TSHZ1: variants seen among roughly 807,000 people sequenced by gnomAD.
The protein encoded by TSHZ1 is teashirt zinc finger homeobox 1, also known as teashirt homolog 1.
TSHZ1 carries 12 observed loss-of-function variants against 67.1 expected under a neutral mutation model. The ratio of observed to expected loss-of-function variants is 0.18; its 90% CI spans 0.11 to 0.29. The LOEUF (loss-of-function observed/expected upper bound fraction) is 0.29. Ranked by LOEUF, TSHZ1 falls within the 10% of genes least tolerant of loss-of-function variation. The probability of loss-of-function intolerance (pLI) is 1.00; values close to 1 mark genes in which losing one functional copy is unlikely to be tolerated. For synonymous variants in TSHZ1, 632 were observed against 622.4 expected (o/e 1.02, Z -0.23); for missense variants, 1,305 against 1,413.9 (o/e 0.92, Z 1.23).
chr18:75,211,955 CG>C (rs2022699073), intron 1 of TSHZ1, 39 bp downstream of exon 1: 1 of 1,201,380 alleles, frequency 8.3e-7, no homozygotes, highest in Non-Finnish European at 1.0e-6. Context: ...GAGTGGGCGC[CG>C]GGAGGAGCAG....
intron 1 of TSHZ1, among the ~76,000 whole-genome samples, chr18:75,227,856 CA>C (rs1420267296): frequency 6.6e-6 from 1 of 152,196 alleles, no homozygotes; most frequent in Non-Finnish European, 1.5e-5. Context: ...TTTATTTTTG[CA>C]GCCAGATGTG....
chr18:75,248,557 C>A, intron 1 of TSHZ1, among the ~76,000 whole-genome samples: 1 of 152,148 alleles, frequency 6.6e-6, no homozygotes, highest in East Asian at 1.9e-4. Context: ...AAAATGTAAA[C>A]ACATTTTTGT....
rs2023779837 is a variant in TSHZ1, at chr18:75,287,027, C to T, written c.1620C>T (p.Asp540=). ...STLYPYLREE[D]LDDSPKGGLD... ...TGTACCCGTACCTGCGTGAGGAGGA[C>T]CTGGACGACAGCCCCAAGGGAGGGC... Residue 540 remains aspartate (D), a synonymous_variant, in exon 2 of 2, where the codon GAC becomes GAT. Transcript: ENST00000580243. This position sits in a 1 kb window ranked among gnomAD's most constrained non-coding sequence, Gnocchi z 5.0. 1.9e-6 allele frequency: 3 copies of T among 1,613,996 alleles called. No individual in the cohort carries two copies. The highest frequency in any genetic ancestry group is 2.5e-6 in the Non-Finnish European group (3 of 1,179,998).
chr18:75,269,707 A>G (rs1445792338), intron 1 of TSHZ1, among the ~76,000 whole-genome samples: 4 of 152,206 alleles, frequency 2.6e-5, no homozygotes, highest in African/African-American at 7.2e-5. Flanking sequence ...CATTAAATAC[A>G]TTTGCATTGC....
At chr18:75,224,309 T>C (rs1189834152) in intron 1 of TSHZ1, among the ~76,000 whole-genome samples, 2 of 152,172 alleles carry the variant, frequency 1.3e-5, no homozygotes, top group East Asian at 3.9e-4. Flanking sequence ...AGGATTTCTT[T>C]CTCTTCTTAA....
chr18:75,282,645 A>G (rs1261943190), intron 1 of TSHZ1, among the ~76,000 whole-genome samples: 1 of 152,152 alleles, frequency 6.6e-6, no homozygotes, highest in Non-Finnish European at 1.5e-5. Context: ...ATTCAGGGAG[A>G]GAGCTGCCAT....
At chr18:75,285,256 A>G (rs948371793) in intron 1 of TSHZ1, 192 bp from the exon 2 acceptor site, 5 of 516,304 alleles carry the variant, frequency 9.7e-6, no homozygotes, top group Admixed American at 3.9e-5. Context: ...TTTGCTAAAG[A>G]CACACTCAGG....
chr18:75,221,228 A>C (rs921987685), intron 1 of TSHZ1: 1 of 152,248 alleles, frequency 6.6e-6, no homozygotes, highest in African/African-American at 2.4e-5. Context: ...GCAGGCACGA[A>C]GGCATGGATC....
rs1394473568 is a variant in TSHZ1, at chr18:75,251,217, GTTAATA to G, written c.41-34227_41-34222del. Among the ~76,000 whole-genome samples, 5 of 152,212 alleles carry G rather than the reference GTTAATA, an allele frequency of 3.3e-5. No homozygotes were observed. The East Asian group carries it at 9.6e-4, about 29-fold the overall frequency. On this transcript the variant is annotated intron_variant, in intron 1 of 1. Coordinates refer to ENST00000580243, the MANE Select transcript of TSHZ1 (RefSeq NM_001308210.2). ...AATATTTTTTCCTCTTTGCAAAAGT[GTTAATA>G]TTATATGGAAAAATTGGAAAAACAC...
chr18:75,244,676 T>G (rs1055397979), intron 1 of TSHZ1: 2 of 152,186 alleles, frequency 1.3e-5, no homozygotes, highest in African/African-American at 4.8e-5. Flanking sequence ...GTCCTTGCTT[T>G]TTGCTGGCAT....
chr18:75,282,005 C>T (rs1184887314), intron 1 of TSHZ1, among the ~76,000 whole-genome samples: 1 of 152,136 alleles, frequency 6.6e-6, no homozygotes, highest in Non-Finnish European at 1.5e-5. Flanking sequence ...GGACCCCCTC[C>T]TTCGACGTCC....
intron 1 of TSHZ1, among the ~76,000 whole-genome samples, chr18:75,280,238 C>CATATGTTGTAT (rs1221798005): frequency 6.6e-6 from 1 of 152,212 alleles, no homozygotes; most frequent in Non-Finnish European, 1.5e-5. Context: ...TGTAAAAGGA[C>CATATGTTGTAT]ATCTTGTATA....
intron 1 of TSHZ1, among the ~76,000 whole-genome samples, chr18:75,231,341 C>T (rs17056692): frequency 0.049 from 7,513 of 152,294 alleles, 602 homozygotes; most frequent in African/African-American, 0.17. Context: ...CATGGTCCTT[C>T]GGAGGTCATT....
In TSHZ1 at chr18:75,285,560, G is replaced by C; in HGVS notation, c.153G>C (p.Thr51=). The change falls in exon 2 of 2, where the codon ACG becomes ACC. Residue 51 remains threonine (T), a synonymous_variant. Coordinates refer to ENST00000580243, the MANE Select transcript of TSHZ1 (RefSeq NM_001308210.2). The part of the protein sequence containing the change: ...QESEYMCNEE[T]EIKEAQSYQN... Reference sequence around the variant, plus strand: ...GTGAGTACATGTGCAATGAAGAGACGGAGATCAAAGAGGCGCAGAGCTACC... The same window carrying C: ...GTGAGTACATGTGCAATGAAGAGACCGAGATCAAAGAGGCGCAGAGCTACC... The C allele has an allele frequency of 1.9e-6, 3 of 1,590,724 alleles. No individual in the cohort carries two copies. The highest frequency in any genetic ancestry group is 2.6e-6 in the Non-Finnish European group (3 of 1,163,522).
chr18:75,271,949 G>A (rs913271975), intron 1 of TSHZ1, among the ~76,000 whole-genome samples: 4 of 152,156 alleles, frequency 2.6e-5, no homozygotes, highest in Non-Finnish European at 5.9e-5. Context: ...TTCTCCGCTC[G>A]CTTCCTGTAA....
Position 75,288,732 on chromosome 18 carries a change from T to G in TSHZ1, c.*91T>G. On this transcript the variant is annotated 3_prime_UTR_variant, in exon 2 of 2. Coordinates refer to ENST00000580243, the MANE Select transcript of TSHZ1 (RefSeq NM_001308210.2). This position sits in a 1 kb window ranked among gnomAD's most constrained non-coding sequence, Gnocchi z 4.9. ...CTGAGCCTCTGAAATCAGTCTTTCC[T>G]TTGTTGCTGGCCCGCCTCTCTGGAC... is the stretch of plus-strand genomic sequence containing the variant. 1 of 1,503,370 alleles carries G rather than the reference T, an allele frequency of 6.7e-7. No homozygotes were observed. The highest frequency in any genetic ancestry group is 1.4e-5 in the African/African-American group (1 of 71,498). 93.1% of individuals were successfully genotyped at this position (1,503,370 alleles called of 1,614,324 possible).
At position 75,285,959 on chromosome 18, in the gene TSHZ1, C is replaced by A; in HGVS notation, c.552C>A (p.Ser184Arg). The change falls in exon 2 of 2, where the codon AGC becomes AGA. Residue 184 changes from serine (S) to arginine (R), a missense_variant. This residue lies in a region of TSHZ1 where 358 missense variants were observed against 375.6 expected (regional missense o/e 0.95). Transcript: ENST00000580243. ...TPSTSCSSSTSHSSTTSTSSS... is the reference protein window; with the variant it reads ...TPSTSCSSSTRHSSTTSTSSS... Reference sequence around the variant, plus strand: ...GCACCAGCTGCAGCTCCAGCACCAGCCACAGCAGTACCACCAGTACCAGCA... The same window carrying A: ...GCACCAGCTGCAGCTCCAGCACCAGACACAGCAGTACCACCAGTACCAGCA... 3 of 1,580,390 alleles carry A rather than the reference C, an allele frequency of 1.9e-6. No homozygotes were observed. Among genetic ancestry groups the A allele is most frequent in the Non-Finnish European group, 2.6e-6 (3 of 1,164,306 alleles).
chr18:75,230,000 A>C (rs1295154399), intron 1 of TSHZ1, among the ~76,000 whole-genome samples: 1 of 152,208 alleles, frequency 6.6e-6, no homozygotes, highest in Non-Finnish European at 1.5e-5. Flanking sequence ...TTTAGAGGAC[A>C]AATACCAAGA....
chr18:75,240,780 G>A (rs190809180), intron 1 of TSHZ1, among the ~76,000 whole-genome samples: 1 of 152,250 alleles, frequency 6.6e-6, no homozygotes, highest in African/African-American at 2.4e-5. Context: ...TGTACCATAA[G>A]GTACTTCAAC....
Sources: allele counts gnomAD v4.1 joint callset (sites outside exome capture counted in the v4.1 genomes callset), GRCh38; gene constraint gnomAD v4.1.1; regional missense constraint gnomAD v4.1.1; non-coding constraint Gnocchi (gnomAD v3.1); transcripts MANE v1.5; gene names NCBI Gene and HGNC (gene_info 2026-07-23, HGNC 2026-07-21).